Variants in SGCZ observed in about 807,000 individuals in gnomAD.
SGCZ encodes the protein zeta-sarcoglycan.
In SGCZ, 40 loss-of-function variants were observed where a neutral mutation model predicts 41.3. That is an observed-to-expected ratio of 0.97 (90% confidence interval 0.75 to 1.26). The LOEUF is 1.26. SGCZ is among the 50% of genes most tolerant of loss of function. SGCZ has a pLI of 0.00. For missense variants in SGCZ, 552 were observed against 369.8 expected, an observed-to-expected ratio of 1.49 and a Z score of -4.04; for synonymous variants, 206 against 137.5, an observed-to-expected ratio of 1.50 and a Z score of -3.49.
chr8:14,118,768 T>A (rs1209211159), intron 5 of SGCZ, among the ~76,000 whole-genome samples: 2 of 152,148 alleles, frequency 1.3e-5, no homozygotes, highest in African/African-American at 4.8e-5. Flanking sequence ...CCAGTGTCAG[T>A]TTTCTGCATA....
intron 2 of SGCZ, among the ~76,000 whole-genome samples, chr8:14,345,337 C>G (rs903106931): frequency 6.6e-6 from 1 of 152,072 alleles, no homozygotes; most frequent in Non-Finnish European, 1.5e-5. Flanking sequence ...TGAGAAGGCA[C>G]ATTTGGAAAA....
At chr8:14,638,310 G>T (rs1806904016) in intron 1 of SGCZ, among the ~76,000 whole-genome samples, 1 of 151,748 alleles carries the variant, frequency 6.6e-6, no homozygotes, top group Non-Finnish European at 1.5e-5. Context: ...TTCAATAAAT[G>T]CTTTTTGAAT....
At chr8:14,684,234 T>G (rs1343325815) in intron 1 of SGCZ, among the ~76,000 whole-genome samples, 1 of 152,206 alleles carries the variant, frequency 6.6e-6, no homozygotes, top group Admixed American at 6.6e-5. Flanking sequence ...TGATGGCTTC[T>G]TAAATGATGT....
At chr8:15,003,686 T>G (rs1246666416) in intron 1 of SGCZ, among the ~76,000 whole-genome samples, 1 of 152,128 alleles carries the variant, frequency 6.6e-6, no homozygotes, top group Non-Finnish European at 1.5e-5. Context: ...TGGCTGTGTA[T>G]ATATAAAGAT....
intron 2 of SGCZ, among the ~76,000 whole-genome samples, chr8:14,499,406 C>T (rs1802084389): frequency 6.6e-6 from 1 of 151,844 alleles, no homozygotes; most frequent in Admixed American, 6.6e-5. Context: ...GTATTTCTTT[C>T]TTCATCTTTT....
At chr8:14,218,232 T>C (rs368075421) in intron 4 of SGCZ, among the ~76,000 whole-genome samples, 63 of 152,326 alleles carry the variant, frequency 4.1e-4, no homozygotes, top group African/African-American at 1.4e-3. Context: ...ATTATTAAAA[T>C]GTATGTGTAT....
intron 4 of SGCZ, chr8:14,164,936 G>A (rs1285835783): frequency 4.5e-6 from 2 of 448,878 alleles, no homozygotes; most frequent in Non-Finnish European, 8.0e-6. Flanking sequence ...GTCTGACATA[G>A]CATGTGAGTT....
chr8:14,244,537 G>T (rs1359556898), intron 3 of SGCZ, among the ~76,000 whole-genome samples: 3 of 152,080 alleles, frequency 2.0e-5, no homozygotes, highest in Admixed American at 6.6e-5. Context: ...GATGCCTCCA[G>T]CTTTGTTCTT....
At chr8:15,235,923 G>A (rs1276564034) in intron 1 of SGCZ, among the ~76,000 whole-genome samples, 1 of 152,142 alleles carries the variant, frequency 6.6e-6, no homozygotes, top group East Asian at 1.9e-4. Flanking sequence ...CAAGAGACTG[G>A]GATGCTTGGG....
intron 1 of SGCZ, among the ~76,000 whole-genome samples, chr8:14,632,867 A>G (rs2117402718): frequency 6.6e-6 from 1 of 152,208 alleles, no homozygotes; most frequent in South Asian, 2.1e-4. Flanking sequence ...GATAAAGGTA[A>G]ATAAAATACA....
intron 3 of SGCZ, among the ~76,000 whole-genome samples, chr8:14,284,772 T>C (rs890534): frequency 0.51 from 77,718 of 151,822 alleles, 20,366 homozygotes; most frequent in African/African-American, 0.56. Flanking sequence ...TATTTGGTCC[T>C]AAGTTACTGT....
chr8:14,435,098 C>A lies in SGCZ; in HGVS notation c.235-110894G>T, dbSNP rs182662208. Among the ~76,000 whole-genome samples, 349 of 152,172 alleles carry A rather than the reference C, an allele frequency of 2.3e-3. 2 individuals carry two copies. The highest frequency in any genetic ancestry group is 7.5e-3 in the African/African-American group (312 of 41,522). On this transcript the variant is annotated intron_variant, in intron 2 of 7. Coordinates refer to ENST00000382080, the MANE Select transcript of SGCZ (RefSeq NM_139167.4). ...TCAAAGTCGATATACTAGAGCAATG[C>A]AAAAATATTAATAAAAGCGTGATAT...
rs547688288 is a variant in SGCZ, at chr8:14,102,454, C to T, written c.666G>A (p.Gly222=). Residue 222 remains glycine, a synonymous_variant, in exon 7 of 8, where the codon GGG becomes GGA. Transcript: ENST00000382080. The stretch of plus-strand genomic sequence containing the variant: ...CTCCTGCAGCAGCACTCACCTGGAC[C>T]CCACGGGGAGCTTCCATGATCAAGG... ...TRSLIMEAPR[G]VQVSAAAGDF... is the part of the protein sequence containing the mutation. The T allele has an allele frequency of 4.8e-5, 73 of 1,511,904 alleles. No individual in the cohort carries two copies. The Middle Eastern group carries it at 2.5e-3, about 52-fold the overall frequency. 93.7% of individuals were successfully genotyped at this position (1,511,904 alleles called of 1,614,324 possible). A position where few individuals can be genotyped will look rare whatever the true frequency, so the allele number is the denominator to read the frequency against.
chr8:14,925,608 C>A (rs532910692), intron 1 of SGCZ, among the ~76,000 whole-genome samples: 6 of 152,224 alleles, frequency 3.9e-5, no homozygotes, highest in African/African-American at 1.2e-4. Flanking sequence ...AGTGTAATGG[C>A]AAAAACCACA....
intron 1 of SGCZ, among the ~76,000 whole-genome samples, chr8:15,032,863 C>A (rs1803729889): frequency 6.6e-6 from 1 of 152,114 alleles, no homozygotes; most frequent in Admixed American, 6.5e-5. Context: ...AGGCTCAAAG[C>A]CTACTCAGTT....
At chr8:14,186,997 A>G (rs1024227956) in intron 4 of SGCZ, among the ~76,000 whole-genome samples, 1 of 152,156 alleles carries the variant, frequency 6.6e-6, no homozygotes, top group Non-Finnish European at 1.5e-5. Context: ...CTTGAAAACA[A>G]TTGATAAACT....
intron 1 of SGCZ, among the ~76,000 whole-genome samples, chr8:14,749,931 C>T (rs1799449527): frequency 6.6e-6 from 1 of 152,090 alleles, no homozygotes; most frequent in South Asian, 2.1e-4. Flanking sequence ...AAAAGATATA[C>T]ACTGCATTGT....
intron 2 of SGCZ, among the ~76,000 whole-genome samples, chr8:14,529,968 G>A (rs1303794612): frequency 6.6e-6 from 1 of 152,058 alleles, no homozygotes; most frequent in Non-Finnish European, 1.5e-5. Context: ...TATACATTAA[G>A]AATGCACAAG....
At chr8:14,405,978 A>T (rs1799202358) in intron 2 of SGCZ, among the ~76,000 whole-genome samples, 2 of 152,174 alleles carry the variant, frequency 1.3e-5, no homozygotes, top group South Asian at 4.1e-4. Context: ...ATTTATTTAC[A>T]TTCATGTAAA....
Sources: allele counts gnomAD v4.1 joint callset (sites outside exome capture counted in the v4.1 genomes callset), GRCh38; gene constraint gnomAD v4.1.1; transcripts MANE v1.5; gene names NCBI Gene and HGNC (gene_info 2026-07-23, HGNC 2026-07-21).